Variants in PCMT1 observed in about 807,000 individuals in gnomAD.
PCMT1 encodes protein-L-isoaspartate (D-aspartate) O-methyltransferase.
A neutral mutation model predicts 29.2 loss-of-function variants in PCMT1; 9 were observed. That is an observed-to-expected ratio of 0.31 (90% CI 0.19 to 0.54). The LOEUF is 0.54. Among genes scored for constraint, PCMT1 ranks in the 20% least tolerant of loss-of-function variants. The pLI is 0.95. For missense variants in PCMT1, 184 were observed against 282.2 expected, an observed-to-expected ratio of 0.65 and a Z score of 2.49; for synonymous variants, 98 against 97.5, an observed-to-expected ratio of 1.00 and a Z score of -0.03.
At chr6:149,756,630 G>T (rs2115198682) in intron 1 of PCMT1, among the ~76,000 whole-genome samples, 1 of 141,736 alleles carries the variant, frequency 7.1e-6, no homozygotes, top group South Asian at 2.2e-4. Context: ...CTCCAATATT[G>T]CTGGGATTAT....
chr6:149,765,897 T>C (rs970946108), intron 1 of PCMT1: 1 of 161,804 alleles, frequency 6.2e-6, no homozygotes, highest in South Asian at 1.5e-4. Flanking sequence ...ACCCGGGAGG[T>C]GGAGGTTGCC....
intron 1 of PCMT1, among the ~76,000 whole-genome samples, chr6:149,766,833 A>G (rs1424107011): frequency 3.9e-5 from 6 of 152,072 alleles, no homozygotes; most frequent in Non-Finnish European, 7.4e-5. Context: ...TTCTACCACT[A>G]TGGTTTTGGC....
intron 3 of PCMT1, among the ~76,000 whole-genome samples, chr6:149,781,530 AT>A (rs1363749846): frequency 6.6e-6 from 1 of 151,912 alleles, no homozygotes; most frequent in African/African-American, 2.4e-5. Context: ...CGGCCAAAAA[AT>A]TTTTTTTAAA....
chr6:149,764,988 C>G (rs1230456981), intron 1 of PCMT1, among the ~76,000 whole-genome samples: 1 of 150,354 alleles, frequency 6.7e-6, no homozygotes, highest in Non-Finnish European at 1.5e-5. Context: ...TTGCAGTGAG[C>G]CGAGATCGCG....
intron 3 of PCMT1, among the ~76,000 whole-genome samples, chr6:149,783,323 G>A (rs999489202): frequency 2.6e-5 from 4 of 151,170 alleles, no homozygotes; most frequent in African/African-American, 9.9e-5. Context: ...AGTAGAGACG[G>A]GGTTTCACCA....
At position 149,749,815 on chromosome 6, in the gene PCMT1, T is replaced by G. The variant is rs1786226654; in HGVS notation, c.-87T>G. 1 of 1,555,476 alleles carries G rather than the reference T, an allele frequency of 6.4e-7. No homozygotes were observed. Among genetic ancestry groups the G allele is most frequent in the South Asian group, 1.2e-5 (1 of 84,584 alleles). Reference sequence around the variant, plus strand: ...GGACGCGAGCGGGGCGGTGACGGTGTGGGAGGTGGTCTCACTCTTGGGAAA... The same window carrying G: ...GGACGCGAGCGGGGCGGTGACGGTGGGGGAGGTGGTCTCACTCTTGGGAAA... On this transcript the variant is annotated 5_prime_UTR_variant, in exon 1 of 8. Transcript: ENST00000464889.
intron 6 of PCMT1, among the ~76,000 whole-genome samples, chr6:149,798,574 C>T (rs1235983050): frequency 2.6e-5 from 4 of 152,168 alleles, no homozygotes; most frequent in Non-Finnish European, 4.4e-5. Context: ...TTTATGCCTT[C>T]TTTTGGATAT....
At chr6:149,768,420 G>A (rs1397838551) in intron 1 of PCMT1, among the ~76,000 whole-genome samples, 1 of 148,974 alleles carries the variant, frequency 6.7e-6, no homozygotes, top group Non-Finnish European at 1.5e-5. Context: ...TATTATAATA[G>A]GTGATTTGAT....
At chr6:149,808,184 T>G (rs1776064197) in intron 7 of PCMT1, among the ~76,000 whole-genome samples, 1 of 151,976 alleles carries the variant, frequency 6.6e-6, no homozygotes, top group Non-Finnish European at 1.5e-5. Flanking sequence ...AATAAATAAT[T>G]AAATTATGTA....
chr6:149,766,650 A>G (rs150820079), intron 1 of PCMT1, among the ~76,000 whole-genome samples: 32 of 152,316 alleles, frequency 2.1e-4, no homozygotes, highest in Non-Finnish European at 4.4e-5. Context: ...AGTGCTTAGT[A>G]GTTGCAACAG....
intron 4 of PCMT1, among the ~76,000 whole-genome samples, chr6:149,791,018 A>G (rs1788344210): frequency 6.6e-6 from 1 of 151,976 alleles, no homozygotes; most frequent in Non-Finnish European, 1.5e-5. Flanking sequence ...ACTGAGGCAC[A>G]GTGTGGGGGG....
intron 1 of PCMT1, among the ~76,000 whole-genome samples, chr6:149,764,122 G>A (rs1424405740): frequency 6.6e-6 from 1 of 152,182 alleles, no homozygotes; most frequent in Non-Finnish European, 1.5e-5. Flanking sequence ...AATTTCAGGG[G>A]AAATGAACCA....
Position 149,793,546 on chromosome 6 carries a change from C to T in PCMT1, c.298-3C>T. The T allele has an allele frequency of 6.9e-7, 1 of 1,455,858 alleles. No individual in the cohort carries two copies. The highest frequency in any genetic ancestry group is 9.0e-7 in the Non-Finnish European group (1 of 1,105,742). The allele number at this position is 1,455,858 out of a possible 1,614,324, so 90.2% of individuals were successfully genotyped here. ...AGCTACTGAATTGTTTTCTCTTTTC[C>T]AGGTTGGATGTACTGGAAAAGTCAT... On this transcript the variant is annotated splice_region_variant and splice_polypyrimidine_tract_variant and intron_variant, in intron 4 of 7. Transcript: ENST00000464889.
At chr6:149,772,365 T>C (rs1787362137) in intron 2 of PCMT1, 1 of 322,474 alleles carries the variant, frequency 3.1e-6, no homozygotes, top group Non-Finnish European at 6.0e-6. Context: ...AAGTATTTTA[T>C]TGGTCTTTTA....
intron 1 of PCMT1, among the ~76,000 whole-genome samples, chr6:149,752,544 A>T (rs913310880): frequency 2.0e-5 from 3 of 152,164 alleles, no homozygotes; most frequent in Non-Finnish European, 4.4e-5. Flanking sequence ...ATTTTATGGA[A>T]TGATGCTTGA....
chr6:149,770,776 A>G (rs9688867), intron 1 of PCMT1, among the ~76,000 whole-genome samples: 78,493 of 148,984 alleles, frequency 0.53, 23,596 homozygotes, highest in East Asian at 0.83. Flanking sequence ...GGCCAAGGTG[A>G]GCAGATCACA....
Position 149,749,839 on chromosome 6 carries a change from A to G in PCMT1, c.-63A>G. 1 of 1,572,224 alleles carries G rather than the reference A, an allele frequency of 6.4e-7. No individual in the cohort carries two copies. Among genetic ancestry groups the G allele is most frequent in the Non-Finnish European group, 8.6e-7 (1 of 1,158,416 alleles). ...GTGGGAGGTGGTCTCACTCTTGGGAAAACTGCTGGGCACCGTCGTCGCGCT... is the reference window on the plus strand; with the variant it reads ...GTGGGAGGTGGTCTCACTCTTGGGAGAACTGCTGGGCACCGTCGTCGCGCT... On this transcript the variant is annotated 5_prime_UTR_variant, in exon 1 of 8. Coordinates refer to ENST00000464889, the MANE Select transcript of PCMT1 (RefSeq NM_001360452.2).
At chr6:149,751,058 T>A (rs994540564) in intron 1 of PCMT1, among the ~76,000 whole-genome samples, 4 of 152,202 alleles carry the variant, frequency 2.6e-5, no homozygotes. Flanking sequence ...GGCTCACGCC[T>A]GTAATGCCAG....
chr6:149,762,126 T>C (rs1786765863), intron 1 of PCMT1, among the ~76,000 whole-genome samples: 1 of 152,260 alleles, frequency 6.6e-6, no homozygotes, highest in East Asian at 1.9e-4. Context: ...ATTTATCCTC[T>C]GTGCCCGTTT....
Sources: allele counts gnomAD v4.1 joint callset (sites outside exome capture counted in the v4.1 genomes callset), GRCh38; gene constraint gnomAD v4.1.1; transcripts MANE v1.5; gene names NCBI Gene and HGNC (gene_info 2026-07-23, HGNC 2026-07-21).